Variants in MYO5C observed in about 807,000 individuals in gnomAD.
MYO5C encodes the protein unconventional myosin-Vc.
In MYO5C, 194 loss-of-function variants were observed where a neutral mutation model predicts 235.7. That is an observed-to-expected ratio of 0.82 (90% CI 0.73 to 0.93). The LOEUF is 0.93. Ranked by LOEUF, MYO5C falls within the 40% of genes least tolerant of loss-of-function variation. The probability of loss-of-function intolerance (pLI) is 0.00; values close to 1 mark genes in which losing one functional copy is unlikely to be tolerated. For missense variants in MYO5C, 2,038 were observed against 2,127.2 expected, an observed-to-expected ratio of 0.96 and a Z score of 0.82; for synonymous variants, 707 against 754.8, an observed-to-expected ratio of 0.94 and a Z score of 1.04.
chr15:52,267,348 G>A (rs893588693), intron 8 of MYO5C, among the ~76,000 whole-genome samples: 2 of 152,158 alleles, frequency 1.3e-5, no homozygotes, highest in East Asian at 1.9e-4. Flanking sequence ...GCTTCCTCAC[G>A]AGTTGTCATG....
At chr15:52,282,960 C>A in intron 1 of MYO5C, 68 bp from the exon 2 acceptor site, 2 of 1,009,444 alleles carry the variant, frequency 2.0e-6, no homozygotes, top group South Asian at 1.3e-5. Flanking sequence ...CATGGTTAGA[C>A]ACAGGAAGGT....
intron 38 of MYO5C, among the ~76,000 whole-genome samples, chr15:52,201,972 A>G (rs2035198217): frequency 6.6e-6 from 1 of 151,938 alleles, no homozygotes; most frequent in South Asian, 2.1e-4. Context: ...AAAATTTCAA[A>G]TAACCCAAAA....
chr15:52,203,556 G>A (rs2035235094), intron 38 of MYO5C, among the ~76,000 whole-genome samples: 1 of 151,976 alleles, frequency 6.6e-6, no homozygotes, highest in African/African-American at 2.4e-5. Flanking sequence ...ATGTTGGCCA[G>A]GCTGGTCTCA....
intron 24 of MYO5C, among the ~76,000 whole-genome samples, chr15:52,231,654 G>A (rs550620149): frequency 6.6e-6 from 1 of 152,206 alleles, no homozygotes; most frequent in Admixed American, 6.5e-5. Flanking sequence ...TCACCCAGAC[G>A]CAGGCTGTCC....
chr15:52,251,856 G>T (rs2036480471), intron 12 of MYO5C, among the ~76,000 whole-genome samples: 1 of 151,926 alleles, frequency 6.6e-6, no homozygotes, highest in Non-Finnish European at 1.5e-5. Flanking sequence ...GTAGAGACGG[G>T]GTTTCACCAT....
Position 52,271,785 on chromosome 15 carries a change from C to T in MYO5C, c.810G>A (p.Ser270=), listed in dbSNP as rs368057612. 6.4e-6 allele frequency: 10 copies of T among 1,565,192 alleles called. No individual in the cohort carries two copies. Among genetic ancestry groups the T allele is most frequent in the African/African-American group, 1.4e-5 (1 of 74,048 alleles). ...FYQLCASAQQ[S]EFKHLKLGSA... is the part of the protein sequence containing the mutation. Reference sequence around the variant, plus strand: ...TACCCAATTTAAGATGTTTAAATTCCGACTGCTGTGCAGATGCACAAAGCT... The same window carrying T: ...TACCCAATTTAAGATGTTTAAATTCTGACTGCTGTGCAGATGCACAAAGCT... The change falls in exon 7 of 41, where the codon TCG becomes TCA. Residue 270 remains serine (S), a synonymous_variant. Transcript: ENST00000261839.
intron 19 of MYO5C, chr15:52,243,106 G>A (rs1167715706): frequency 6.6e-6 from 1 of 152,224 alleles, no homozygotes; most frequent in African/African-American, 2.4e-5. Flanking sequence ...CCCTCATGGA[G>A]CTTCCATTCT....
intron 29 of MYO5C, among the ~76,000 whole-genome samples, chr15:52,222,318 C>T (rs2035707173): frequency 6.6e-6 from 1 of 152,230 alleles, no homozygotes; most frequent in South Asian, 2.1e-4. Context: ...ATGTAAAGGT[C>T]CCCCACTACC....
rs754703298 is a variant in MYO5C, at chr15:52,279,702, C to A, written c.139-28G>T. The A allele has an allele frequency of 8.2e-6, 13 of 1,588,020 alleles. No homozygotes were observed. In the African/African-American group the frequency reaches 1.8e-4, roughly 21 times the overall value. On this transcript the variant is annotated intron_variant, in intron 2 of 40. Transcript: ENST00000261839. ...ATGGACAAAGATAAAAATTAAAGCT[C>A]TGGAAATAAAAGATTTTTGGTGTTT...
At chr15:52,262,907 G>T (rs530548867) in intron 9 of MYO5C, among the ~76,000 whole-genome samples, 221 of 152,304 alleles carry the variant, frequency 1.5e-3, no homozygotes, top group African/African-American at 5.0e-3. Context: ...TTTGGAGATG[G>T]GGCCTTTGGG....
rs546914080 is a variant in MYO5C at position 52,225,255 on chromosome 15, C to T, written c.3302-117G>A. On this transcript the variant is annotated intron_variant, in intron 26 of 40. Coordinates refer to ENST00000261839, the MANE Select transcript of MYO5C (RefSeq NM_018728.4). ...AGTCTCCAGCTAAATAACTCACCAG[C>T]TATCCAATCAACCAACTAACCAATC... 1.9e-5 allele frequency: 23 copies of T among 1,209,544 alleles called. No homozygotes were observed. In the South Asian group the frequency reaches 2.3e-4, roughly 12 times the overall value. The allele number at this position is 1,209,544 out of a possible 1,614,324, so 74.9% of individuals were successfully genotyped here.
Position 52,245,334 on chromosome 15 carries a change from C to T in MYO5C, c.2178+20G>A, listed in dbSNP as rs773048854. The T allele has an allele frequency of 1.2e-5, 18 of 1,511,788 alleles. No homozygotes were observed. Among genetic ancestry groups the T allele is most frequent in the Non-Finnish European group, 9.2e-7 (1 of 1,086,852 alleles). 93.6% of individuals were successfully genotyped at this position (1,511,788 alleles called of 1,614,324 possible). ...GCTTCCAGGAAGGAGACCATGATCC[C>T]AGGAGGTGGGGAAACTGACCTGGAT... On this transcript the variant is annotated intron_variant, in intron 18 of 40. Coordinates refer to ENST00000261839, the MANE Select transcript of MYO5C (RefSeq NM_018728.4).
rs1242997318 is a variant in MYO5C, at chr15:52,275,628, G to A, written c.540C>T (p.Thr180=). The change falls in exon 5 of 41, where the codon ACC becomes ACT. Residue 180 remains threonine (T), a synonymous_variant. Coordinates refer to ENST00000261839, the MANE Select transcript of MYO5C (RefSeq NM_018728.4). The part of the protein sequence containing the change: ...SARYAMRYFA[T]VSKSGSNAHV... ...GAGCGTTGCTGCCCGATTTGCTGAC[G>A]GTGGCAAAGTACCTCATGGCATAGC... 8.7e-6 allele frequency: 14 copies of A among 1,614,194 alleles called. No homozygotes were observed. The Middle Eastern group carries it at 4.9e-4, about 57-fold the overall frequency.
Position 52,253,467 on chromosome 15 carries a change from C to T in MYO5C, c.1396-10G>A. The T allele has an allele frequency of 6.2e-7, 1 of 1,609,862 alleles. No homozygotes were observed. Among genetic ancestry groups the T allele is most frequent in the Non-Finnish European group, 8.5e-7 (1 of 1,178,132 alleles). ...CCAGTTTGAAGACATGCTGGGAATC[C>T]AAAGTTAATACAGAAAGTAAAACAG... On this transcript the variant is annotated splice_polypyrimidine_tract_variant and intron_variant, in intron 11 of 40. Transcript: ENST00000261839.
In MYO5C at chr15:52,244,559, A is replaced by G. The variant is rs1163511317; in HGVS notation, c.2187T>C (p.Asn729=). ...VVLHRLIQDS[N]QYQFGKTKIF... is the part of the protein sequence containing the mutation. The stretch of plus-strand genomic sequence containing the variant: ...TTTTGGTTTTACCAAACTGGTACTG[A>G]TTAGAATCCTGGAAGAGAAAAATGA... The change falls in exon 19 of 41, where the codon AAT becomes AAC. Residue 729 remains asparagine (N), a synonymous_variant. Transcript: ENST00000261839. 6.2e-7 allele frequency: 1 copy of G among 1,604,948 alleles called. No individual in the cohort carries two copies. The highest frequency in any genetic ancestry group is 8.5e-7 in the Non-Finnish European group (1 of 1,173,446).
At position 52,233,062 on chromosome 15, in the gene MYO5C, G is replaced by A. The variant is rs1385500076; in HGVS notation, c.2963-377C>T. ...TGGGAGGCCGAGGCGGGCGGATCAC[G>A]AGGTCAGGAGATCAAGACCATCCCG... is the stretch of plus-strand genomic sequence containing the variant. On this transcript the variant is annotated intron_variant, in intron 23 of 40. Transcript: ENST00000261839. Among the ~76,000 whole-genome samples the A allele has an allele frequency of 2.1e-4, 3 of 13,982 alleles. 1 individual carries two copies. The highest frequency in any genetic ancestry group is 4.2e-4 in the East Asian group (1 of 2,384). 9.2% of individuals were successfully genotyped at this position (13,982 alleles called of 152,430 possible).
chr15:52,205,074 G>A lies in MYO5C; in HGVS notation c.4611C>T (p.Ser1537=), dbSNP rs535143297. The A allele has an allele frequency of 6.2e-7, 1 of 1,614,226 alleles. No homozygotes were observed. The highest frequency in any genetic ancestry group is 1.3e-5 in the African/African-American group (1 of 75,068). The part of the protein sequence containing the change: ...GLKPTGFRKR[S]SSIDDTDGYT... ...AGCCGTCCGTGTCGTCTATGCTAGA[G>A]GAGCGCTTCCGGAAGCCTGTGGGCT... is the stretch of plus-strand genomic sequence containing the variant. Residue 1537 remains serine, a synonymous_variant, in exon 38 of 41, where the codon TCC becomes TCT. Coordinates refer to ENST00000261839, the MANE Select transcript of MYO5C (RefSeq NM_018728.4).
At chr15:52,254,551 G>C (rs999700374) in intron 11 of MYO5C, among the ~76,000 whole-genome samples, 1 of 152,076 alleles carries the variant, frequency 6.6e-6, no homozygotes, top group Non-Finnish European at 1.5e-5. Context: ...CTGGAGATCA[G>C]GAGAGTCCTA....
At position 52,295,784 on chromosome 15, in the gene MYO5C, T is replaced by G. The variant is rs2037491415; in HGVS notation, c.-148A>C. 2.0e-6 allele frequency: 1 copy of G among 497,092 alleles called. No homozygotes were observed. The highest frequency in any genetic ancestry group is 4.4e-5 in the Admixed American group (1 of 22,678). The allele number at this position is 497,092 out of a possible 1,614,324, so 30.8% of individuals were successfully genotyped here. A position where few individuals can be genotyped will look rare whatever the true frequency, so the allele number is the denominator to read the frequency against. On this transcript the variant is annotated 5_prime_UTR_variant, in exon 1 of 41. Transcript: ENST00000261839. ...CCAAAGTTTTCCAACGGCCTCCTGT[T>G]CCCGTTCCCGAGTTGGCGGCGAGGG...
Sources: allele counts gnomAD v4.1 joint callset (sites outside exome capture counted in the v4.1 genomes callset), GRCh38; gene constraint gnomAD v4.1.1; transcripts MANE v1.5; gene names NCBI Gene and HGNC (gene_info 2026-07-23, HGNC 2026-07-21).